OSBPL8: variants seen among roughly 807,000 people sequenced by gnomAD.
The protein encoded by OSBPL8 is oxysterol-binding protein-related protein 8.
A neutral mutation model predicts 125.5 loss-of-function variants in OSBPL8; 59 were observed. That is an observed-to-expected ratio of 0.47 (90% CI 0.38 to 0.58). The LOEUF is 0.58. Ranked by LOEUF, OSBPL8 falls within the 20% of genes least tolerant of loss-of-function variation. The probability of loss-of-function intolerance (pLI) is 0.00; values close to 1 mark genes in which losing one functional copy is unlikely to be tolerated. For missense variants in OSBPL8, 758 were observed against 1,047.8 expected (o/e 0.72, Z 3.82); for synonymous variants, 330 against 338.9 (o/e 0.97, Z 0.29).
In OSBPL8 at chr12:76,390,634, C is replaced by T. The variant is rs369334753; in HGVS notation, c.953G>A (p.Arg318Gln). The T allele has an allele frequency of 9.9e-6, 16 of 1,611,480 alleles. No homozygotes were observed. The highest frequency in any genetic ancestry group is 2.7e-5 in the African/African-American group (2 of 74,786). ...CATATCTTGGTCCTTAAAATGTTGT[C>T]GTTCAATTTCACTATCATTTAACCT... The part of the protein sequence containing the change: ...NFQLNDSEIE[R>Q]QHFKDQDMYS... The change falls in exon 11 of 24, where the codon CGA becomes CAA. Residue 318 changes from arginine (R) to glutamine (Q), a missense_variant. Arg to Gln is a conservative substitution (Grantham distance 43, BLOSUM62 1). Around this residue, in one of 3 missense-constraint regions of OSBPL8, gnomAD observed 572 missense variants for 762.0 expected, o/e 0.75. Coordinates refer to ENST00000261183, the MANE Select transcript of OSBPL8 (RefSeq NM_020841.5).
chr12:76,367,229 GGT>G lies in OSBPL8; in HGVS notation c.2328+1983_2328+1984del, dbSNP rs71311108. 2.6e-3 allele frequency among the ~76,000 whole-genome samples: 380 copies of G among 147,210 alleles called. 3 individuals carry two copies. Among genetic ancestry groups the G allele is most frequent in the African/African-American group, 8.7e-3 (346 of 39,976 alleles). ...TGTATATTTTGGGGCTTTGTTGATT[GGT>G]GTGTGTGTGTGTGTGTGTGTGTGTG... On this transcript the variant is annotated intron_variant, in intron 21 of 23. Coordinates refer to ENST00000261183, the MANE Select transcript of OSBPL8 (RefSeq NM_020841.5).
At chr12:76,535,894 C>G (rs1042724629) in intron 1 of OSBPL8, among the ~76,000 whole-genome samples, 3 of 152,038 alleles carry the variant, frequency 2.0e-5, no homozygotes, top group Non-Finnish European at 4.4e-5. Context: ...AGATTAAGTT[C>G]AAAGGGCACA....
At chr12:76,530,761 T>C (rs1440055921) in intron 1 of OSBPL8, among the ~76,000 whole-genome samples, 2 of 152,186 alleles carry the variant, frequency 1.3e-5, no homozygotes, top group Non-Finnish European at 2.9e-5. Context: ...CTGGCAGAGA[T>C]AAGGAGCTAA....
chr12:76,529,647 TG>T (rs1364418683), intron 1 of OSBPL8, among the ~76,000 whole-genome samples: 2 of 151,998 alleles, frequency 1.3e-5, no homozygotes, highest in Non-Finnish European at 2.9e-5. Context: ...AAGAAGCTAG[TG>T]GGGGAAGAAG....
chr12:76,439,553 T>C (rs1871927398), intron 4 of OSBPL8, among the ~76,000 whole-genome samples: 1 of 151,944 alleles, frequency 6.6e-6, no homozygotes, highest in Non-Finnish European at 1.5e-5. Flanking sequence ...TTATAATCAA[T>C]GAAATGCAGT....
chr12:76,559,187 A>G (rs1951198549), intron 1 of OSBPL8, among the ~76,000 whole-genome samples: 1 of 152,098 alleles, frequency 6.6e-6, no homozygotes, highest in African/African-American at 2.4e-5. Flanking sequence ...AAGGCTGCAG[A>G]TGCACCTACT....
At chr12:76,502,249 C>T (rs1165145944) in intron 1 of OSBPL8, among the ~76,000 whole-genome samples, 1 of 152,194 alleles carries the variant, frequency 6.6e-6, no homozygotes, top group Non-Finnish European at 1.5e-5. Flanking sequence ...GAAGTGACAT[C>T]ATCCACTATT....
chr12:76,384,645 TC>T (rs1368133614), intron 14 of OSBPL8, among the ~76,000 whole-genome samples: 1 of 152,150 alleles, frequency 6.6e-6, no homozygotes, highest in Non-Finnish European at 1.5e-5. Flanking sequence ...CAAAGCACCT[TC>T]CATGCTGGGG....
rs765406247 is a variant in OSBPL8 at position 76,439,222 on chromosome 12, T to TA, written c.217+11628dup. On this transcript the variant is annotated intron_variant, in intron 4 of 23. Transcript: ENST00000261183. ...GGTGAAACCCCATCTTTACTAAAAA[T>TA]ACAAAAATTAGCTGGGCATGGTGGC... 4.1e-3 allele frequency among the ~76,000 whole-genome samples: 630 copies of TA among 152,086 alleles called. 2 individuals are homozygous for TA. Among genetic ancestry groups the TA allele is most frequent in the Middle Eastern group, 0.034 (10 of 294 alleles).
intron 19 of OSBPL8, among the ~76,000 whole-genome samples, chr12:76,370,674 G>C (rs1442350313): frequency 6.6e-6 from 1 of 152,152 alleles, no homozygotes; most frequent in Non-Finnish European, 1.5e-5. Flanking sequence ...GGTTATGGCT[G>C]AGACAGAATT....
At chr12:76,514,872 G>C (rs1163032391) in intron 1 of OSBPL8, among the ~76,000 whole-genome samples, 1 of 151,964 alleles carries the variant, frequency 6.6e-6, no homozygotes, top group Non-Finnish European at 1.5e-5. Flanking sequence ...TTTTATGTTT[G>C]TCTATCTTAT....
Position 76,352,349 on chromosome 12 carries a change from G to T in OSBPL8, c.*3540C>A. 1 of 152,376 alleles carries T rather than the reference G, an allele frequency of 6.6e-6. No individual in the cohort carries two copies. The highest frequency in any genetic ancestry group is 1.9e-4 in the East Asian group (1 of 5,200). The allele number at this position is 152,376 out of a possible 1,614,324, so 9.4% of individuals were successfully genotyped here. A position where few individuals can be genotyped will look rare whatever the true frequency, so the allele number is the denominator to read the frequency against. ...TATTAATCATATTAATAAGACACTG[G>T]TCCTATACAATTTCAACAGTCCATC... On this transcript the variant is annotated 3_prime_UTR_variant, in exon 24 of 24. Transcript: ENST00000261183.
At chr12:76,514,584 T>A (rs894872401) in intron 1 of OSBPL8, among the ~76,000 whole-genome samples, 1 of 152,180 alleles carries the variant, frequency 6.6e-6, no homozygotes, top group Non-Finnish European at 1.5e-5. Context: ...ACCTTTAACA[T>A]TTTTTCTTTC....
At chr12:76,451,982 G>T (rs993614435) in intron 3 of OSBPL8, among the ~76,000 whole-genome samples, 16 of 152,044 alleles carry the variant, frequency 1.1e-4, no homozygotes, top group African/African-American at 3.1e-4. Context: ...AGGCAGACGT[G>T]TTGGCGCGCC....
At chr12:76,399,329 A>G (rs1027839232) in intron 7 of OSBPL8, among the ~76,000 whole-genome samples, 4 of 152,162 alleles carry the variant, frequency 2.6e-5, no homozygotes, top group African/African-American at 7.2e-5. Flanking sequence ...TGTCTTTCAG[A>G]TAAGAATGAG....
Position 76,363,995 on chromosome 12 carries a change from G to T in OSBPL8, c.2329-5184C>A, listed in dbSNP as rs922312161. On this transcript the variant is annotated intron_variant, in intron 21 of 23. Transcript: ENST00000261183. ...AGAATGGCAATTATTAAAAAGTCAG[G>T]AAACAACAGATGCTGGAGAGGATGT... 2.0e-5 allele frequency among the ~76,000 whole-genome samples: 3 copies of T among 152,300 alleles called. No homozygotes were observed. In the South Asian group the frequency reaches 6.2e-4, roughly 32 times the overall value.
At chr12:76,389,163 A>G (rs1953450839) in intron 12 of OSBPL8, among the ~76,000 whole-genome samples, 1 of 152,170 alleles carries the variant, frequency 6.6e-6, no homozygotes, top group African/African-American at 2.4e-5. Flanking sequence ...GGCTTCAGAA[A>G]AGCAAAGAAA....
At chr12:76,447,301 G>A (rs556964817) in intron 4 of OSBPL8, among the ~76,000 whole-genome samples, 1 of 152,248 alleles carries the variant, frequency 6.6e-6, no homozygotes. Flanking sequence ...TACCAATCTT[G>A]TATCACTAGC....
At chr12:76,371,370 C>T (rs1952611918) in intron 19 of OSBPL8, 78 bp downstream of exon 19, 1 of 1,403,818 alleles carries the variant, frequency 7.1e-7, no homozygotes, top group Non-Finnish European at 9.4e-7. Context: ...CAGAAGGTGA[C>T]AAAATGACCA....
Sources: gnomAD v4.1 joint callset for allele counts (sites outside exome capture counted in the v4.1 genomes callset) on GRCh38, gnomAD v4.1.1 for gene constraint, gnomAD v4.1.1 regional missense constraint, MANE v1.5 for transcripts, NCBI Gene and HGNC (gene_info 2026-07-23, HGNC 2026-07-21) for gene names.